CYSTM1: variants seen among roughly 807,000 people sequenced by gnomAD.
The protein encoded by CYSTM1 is cysteine rich transmembrane module containing 1.
In CYSTM1, 4 loss-of-function variants were observed where a neutral mutation model predicts 13.1. That is an observed-to-expected ratio of 0.31 (90% CI 0.15 to 0.70). The LOEUF is 0.70. Among genes scored for constraint, CYSTM1 ranks in the 30% least tolerant of loss-of-function variants. The pLI, the probability that CYSTM1 is intolerant of heterozygous loss-of-function variation, is 0.72. For synonymous variants in CYSTM1, 36 were observed against 42.7 expected, an observed-to-expected ratio of 0.84 and a Z score of 0.62; for missense variants, 96 against 121.6, an observed-to-expected ratio of 0.79 and a Z score of 0.99.
rs1435414291 is a variant in CYSTM1 at position 140,230,384 on chromosome 5, C to G, written c.188-12921C>G. 1.3e-5 allele frequency among the ~76,000 whole-genome samples: 2 copies of G among 152,166 alleles called. No homozygotes were observed. The highest frequency in any genetic ancestry group is 2.9e-5 in the Non-Finnish European group (2 of 68,030). On this transcript the variant is annotated intron_variant, in intron 2 of 2. Transcript: ENST00000261811. This position sits in a 1 kb window ranked among gnomAD's most constrained non-coding sequence, Gnocchi z 4.1. Reference sequence around the variant, plus strand: ...TTAACAATTAGACAGGATTCCAGCTCAAATCTGTCTCCCTGTCCTGGCTTT... The same window carrying G: ...TTAACAATTAGACAGGATTCCAGCTGAAATCTGTCTCCCTGTCCTGGCTTT...
intron 2 of CYSTM1, among the ~76,000 whole-genome samples, chr5:140,212,398 G>A (rs549172255): frequency 5.3e-5 from 8 of 152,244 alleles, no homozygotes; most frequent in East Asian, 1.9e-4. Context: ...AACCTACTGC[G>A]CTGCCAGCTG....
rs1405430820 is a variant in CYSTM1 at position 140,212,983 on chromosome 5, G to GTGTATATATATA, written c.187+18332_187+18333insGTATATATATAT. ...ACTCTGTCTCAAAAACAAAACAAAA[G>GTGTATATATATA]TATATATATATATATATATATATAT... On this transcript the variant is annotated intron_variant, in intron 2 of 2. Transcript: ENST00000261811. Among the ~76,000 whole-genome samples, 105 of 114,298 alleles carry GTGTATATATATA rather than the reference G, an allele frequency of 9.2e-4. 3 individuals carry two copies. The highest frequency in any genetic ancestry group is 2.7e-3 in the East Asian group (10 of 3,772). The allele number at this position is 114,298 out of a possible 152,430, so 75.0% of individuals were successfully genotyped here. A position where few individuals can be genotyped will look rare whatever the true frequency, so the allele number is the denominator to read the frequency against.
At chr5:140,241,501 C>T (rs933365887) in intron 2 of CYSTM1, among the ~76,000 whole-genome samples, 13 of 152,230 alleles carry the variant, frequency 8.5e-5, no homozygotes, top group Admixed American at 8.5e-4. Flanking sequence ...GAGTCTCTGG[C>T]CTGAAGCCCA....
At position 140,200,057 on chromosome 5, in the gene CYSTM1, A is replaced by G. The variant is rs558416475; in HGVS notation, c.187+5405A>G. 37 of 152,274 alleles carry G rather than the reference A, an allele frequency of 2.4e-4. 1 individual carries two copies. The South Asian group carries it at 7.7e-3, about 32-fold the overall frequency. 9.4% of individuals were successfully genotyped at this position (152,274 alleles called of 1,614,324 possible). On this transcript the variant is annotated intron_variant, in intron 2 of 2. Transcript: ENST00000261811. The stretch of plus-strand genomic sequence containing the variant: ...GGATAGATTGCAAAAATTTTCTCCC[A>G]TATTGTAGGTTGCCTACATATGGGA...
At chr5:140,217,544 T>G (rs1764442026) in intron 2 of CYSTM1, among the ~76,000 whole-genome samples, 1 of 152,168 alleles carries the variant, frequency 6.6e-6, no homozygotes, top group African/African-American at 2.4e-5. Flanking sequence ...CCAGGCAGAT[T>G]ATTCCCTTTG....
At chr5:140,200,999 T>C (rs974403902) in intron 2 of CYSTM1, 1 of 152,278 alleles carries the variant, frequency 6.6e-6, no homozygotes, top group Non-Finnish European at 1.5e-5. Context: ...ATCTATGTTG[T>C]AGCATGTATC....
chr5:140,207,037 C>A (rs926453873), intron 2 of CYSTM1, among the ~76,000 whole-genome samples: 2 of 152,154 alleles, frequency 1.3e-5, no homozygotes, highest in African/African-American at 2.4e-5. Context: ...TTCCAGTGCC[C>A]AAATGGTGTT....
At chr5:140,194,365 A>C in intron 1 of CYSTM1, 81 bp from the exon 2 acceptor site, 1 of 1,339,416 alleles carries the variant, frequency 7.5e-7, no homozygotes, top group Non-Finnish European at 1.0e-6. Context: ...GTATTTTGTA[A>C]ATGATCTTAT....
chr5:140,215,957 G>A (rs2126665581), intron 2 of CYSTM1, among the ~76,000 whole-genome samples: 1 of 152,182 alleles, frequency 6.6e-6, no homozygotes, highest in South Asian at 2.1e-4. Flanking sequence ...CCTGGGCAAT[G>A]TAGGAAAACC....
At chr5:140,182,857 A>G (rs1407658482) in intron 1 of CYSTM1, among the ~76,000 whole-genome samples, 1 of 152,172 alleles carries the variant, frequency 6.6e-6, no homozygotes, top group African/African-American at 2.4e-5. Context: ...GGTGCAGCAC[A>G]TGATAGGCAT....
chr5:140,214,785 C>T (rs1318440952), intron 2 of CYSTM1, among the ~76,000 whole-genome samples: 1 of 152,186 alleles, frequency 6.6e-6, no homozygotes, highest in Non-Finnish European at 1.5e-5. Flanking sequence ...TAGAGTAGGG[C>T]AGTCTTAGAA....
intron 2 of CYSTM1, among the ~76,000 whole-genome samples, chr5:140,203,753 C>T (rs1170022644): frequency 1.3e-5 from 2 of 152,012 alleles, no homozygotes; most frequent in African/African-American, 2.4e-5. Context: ...TATTTTATCA[C>T]CAAATTGAAA....
At chr5:140,223,595 G>C (rs1003346760) in intron 2 of CYSTM1, among the ~76,000 whole-genome samples, 8 of 152,350 alleles carry the variant, frequency 5.3e-5, no homozygotes, top group African/African-American at 1.9e-4. Context: ...TCCGGATGCT[G>C]GAGGACAAAG....
intron 2 of CYSTM1, among the ~76,000 whole-genome samples, chr5:140,235,692 A>T (rs1764673308): frequency 6.6e-6 from 1 of 152,230 alleles, no homozygotes; most frequent in African/African-American, 2.4e-5. Flanking sequence ...GGCGTGAGCC[A>T]CCGCACCCAG....
At chr5:140,235,069 C>T (rs1463752320) in intron 2 of CYSTM1, among the ~76,000 whole-genome samples, 1 of 151,442 alleles carries the variant, frequency 6.6e-6, no homozygotes, top group Non-Finnish European at 1.5e-5. Flanking sequence ...AGGGTTCAAG[C>T]GATTCTCCTG....
intron 2 of CYSTM1, among the ~76,000 whole-genome samples, chr5:140,224,476 C>G (rs1241854068): frequency 6.6e-6 from 1 of 152,062 alleles, no homozygotes; most frequent in Non-Finnish European, 1.5e-5. Context: ...GAAGATTAGA[C>G]AAATATCTTC....
intron 2 of CYSTM1, among the ~76,000 whole-genome samples, chr5:140,217,840 T>A (rs1162589882): frequency 6.6e-6 from 1 of 152,212 alleles, no homozygotes; most frequent in African/African-American, 2.4e-5. Flanking sequence ...CTCATTCATT[T>A]AGTGTGCCAG....
intron 1 of CYSTM1, among the ~76,000 whole-genome samples, chr5:140,177,430 T>C (rs2126650963): frequency 6.6e-6 from 1 of 152,284 alleles, no homozygotes; most frequent in Admixed American, 6.5e-5. Context: ...CCAAAGTCTG[T>C]TTTCTGGGAG....
intron 2 of CYSTM1, chr5:140,201,646 A>G (rs546243902): frequency 1.3e-5 from 2 of 152,216 alleles, no homozygotes; most frequent in Non-Finnish European, 2.9e-5. Flanking sequence ...AATAGTGTCT[A>G]CCTTATGTAC....
Sources: allele counts gnomAD v4.1 joint callset (sites outside exome capture counted in the v4.1 genomes callset), GRCh38; gene constraint gnomAD v4.1.1; non-coding constraint Gnocchi (gnomAD v3.1); transcripts MANE v1.5; gene names NCBI Gene and HGNC (gene_info 2026-07-23, HGNC 2026-07-21).